The following CAMK1D variants were observed in gnomAD, a reference collection of about 807,000 sequenced individuals.
CAMK1D encodes the protein calcium/calmodulin dependent protein kinase ID.
Under a neutral mutation model 47.7 loss-of-function variants are expected in CAMK1D, and 9 were observed. The observed-to-expected ratio is 0.19, with a 90% confidence interval of 0.11 to 0.33. The LOEUF (loss-of-function observed/expected upper bound fraction) is 0.33, where lower values mean the gene tolerates loss of function less well. Ranked by LOEUF, CAMK1D falls within the 10% of genes least tolerant of loss-of-function variation. The probability of loss-of-function intolerance (pLI) is 1.00; values close to 1 mark genes in which losing one functional copy is unlikely to be tolerated. For missense variants in CAMK1D, 291 were observed against 488.7 expected (o/e 0.60, Z 3.81); for synonymous variants, 184 against 184.9 (o/e 0.99, Z 0.04).
At position 12,831,544 on chromosome 10, in the gene CAMK1D, G is replaced by A. The variant is rs1350039354; in HGVS notation, c.*2657G>A. The A allele has an allele frequency of 6.6e-6, 1 of 152,220 alleles. No individual in the cohort carries two copies. 9.4% of individuals were successfully genotyped at this position (152,220 alleles called of 1,614,324 possible). A position where few individuals can be genotyped will look rare whatever the true frequency, so the allele number is the denominator to read the frequency against. On this transcript the variant is annotated 3_prime_UTR_variant, in exon 11 of 11. Transcript: ENST00000619168. ...CATGTTATATGCACTTAGTTTGAAA[G>A]TATCCCTCACCCAAAAAGTGCAGAA...
chr10:12,689,405 C>CA (rs1832784605), intron 3 of CAMK1D, among the ~76,000 whole-genome samples: 1 of 152,210 alleles, frequency 6.6e-6, no homozygotes, highest in South Asian at 2.1e-4. Flanking sequence ...CCTCATCCCA[C>CA]ATTTAAAATG....
At chr10:12,731,094 C>T (rs1291993842) in intron 3 of CAMK1D, among the ~76,000 whole-genome samples, 3 of 152,046 alleles carry the variant, frequency 2.0e-5, no homozygotes, top group African/African-American at 7.3e-5. Flanking sequence ...AGAAAAAGTA[C>T]AGTGTATTTG....
chr10:12,565,426 G>A (rs567270339), intron 2 of CAMK1D, among the ~76,000 whole-genome samples: 1 of 152,018 alleles, frequency 6.6e-6, no homozygotes, highest in Non-Finnish European at 1.5e-5. Flanking sequence ...GCTAGTTTTT[G>A]TATTTTTAGT....
At chr10:12,414,876 T>A (rs377324362) in intron 1 of CAMK1D, among the ~76,000 whole-genome samples, 72 of 152,354 alleles carry the variant, frequency 4.7e-4, no homozygotes, top group African/African-American at 1.6e-3. Flanking sequence ...GATGGCCAAA[T>A]TCAGTTCAAA....
intron 1 of CAMK1D, among the ~76,000 whole-genome samples, chr10:12,472,668 T>C (rs1833783028): frequency 6.6e-6 from 1 of 152,040 alleles, no homozygotes; most frequent in South Asian, 2.1e-4. Flanking sequence ...ATTACAGGCA[T>C]GCGCCACCCC....
intron 1 of CAMK1D, among the ~76,000 whole-genome samples, chr10:12,448,817 A>G (rs1224234607): frequency 6.6e-6 from 1 of 152,190 alleles, no homozygotes; most frequent in Non-Finnish European, 1.5e-5. Flanking sequence ...GACTATCCGG[A>G]AATGGAGTGT....
intron 3 of CAMK1D, among the ~76,000 whole-genome samples, chr10:12,730,083 T>C (rs1834823792): frequency 6.6e-6 from 1 of 152,102 alleles, no homozygotes; most frequent in Non-Finnish European, 1.5e-5. Flanking sequence ...ATGTTGAGAA[T>C]GGACAGTAGG....
chr10:12,776,548 C>T (rs1437246969), intron 5 of CAMK1D, among the ~76,000 whole-genome samples: 3 of 152,152 alleles, frequency 2.0e-5, no homozygotes, highest in Non-Finnish European at 4.4e-5. Context: ...TTCCTGTGAG[C>T]CTCTGGTCAC....
At chr10:12,465,282 A>C (rs1833557903) in intron 1 of CAMK1D, among the ~76,000 whole-genome samples, 1 of 152,226 alleles carries the variant, frequency 6.6e-6, no homozygotes. Flanking sequence ...GCATATAATT[A>C]AAATTCTCTG....
intron 1 of CAMK1D, among the ~76,000 whole-genome samples, chr10:12,365,564 G>A (rs952861557): frequency 1.3e-5 from 2 of 151,870 alleles, no homozygotes; most frequent in South Asian, 2.1e-4. Flanking sequence ...TCAGCCTCCC[G>A]AGTAGCTGGG....
At chr10:12,368,355 A>G (rs986045354) in intron 1 of CAMK1D, among the ~76,000 whole-genome samples, 2 of 152,138 alleles carry the variant, frequency 1.3e-5, no homozygotes, top group African/African-American at 2.4e-5. Flanking sequence ...ATAGTGAGCC[A>G]TGATGGCACT....
At chr10:12,698,906 C>T (rs1358063638) in intron 3 of CAMK1D, among the ~76,000 whole-genome samples, 3 of 152,034 alleles carry the variant, frequency 2.0e-5, no homozygotes, top group African/African-American at 4.8e-5. Flanking sequence ...CTCTTGACCT[C>T]GTGATCTGCC....
chr10:12,816,612 T>C (rs2131088669), intron 8 of CAMK1D, among the ~76,000 whole-genome samples: 1 of 152,186 alleles, frequency 6.6e-6, no homozygotes, highest in East Asian at 1.9e-4. Context: ...GGCTCATGCC[T>C]GTAATCCCAG....
At chr10:12,627,002 G>T (rs77896678) in intron 2 of CAMK1D, among the ~76,000 whole-genome samples, 7,981 of 151,256 alleles carry the variant, frequency 0.053, 614 homozygotes, top group African/African-American at 0.17. Flanking sequence ...ACACTTTCTT[G>T]CTTGAACCTC....
intron 2 of CAMK1D, among the ~76,000 whole-genome samples, chr10:12,638,238 C>T (rs1024572618): frequency 6.6e-6 from 1 of 152,164 alleles, no homozygotes; most frequent in African/African-American, 2.4e-5. Context: ...CCACAGCTTC[C>T]ACTGCCTGGC....
At chr10:12,771,632 C>T (rs1032662320) in intron 5 of CAMK1D, among the ~76,000 whole-genome samples, 3 of 152,062 alleles carry the variant, frequency 2.0e-5, no homozygotes, top group Admixed American at 6.6e-5. Flanking sequence ...GGGGTGGAAA[C>T]GTGGCTGGGG....
intron 2 of CAMK1D, among the ~76,000 whole-genome samples, chr10:12,662,651 CA>C (rs56807588): frequency 0.74 from 103,751 of 140,642 alleles, 38,920 homozygotes; most frequent in Non-Finnish European, 0.83. Flanking sequence ...CACTCTGCCT[CA>C]AAAAAAAAAA....
At chr10:12,696,260 G>A (rs1276911424) in intron 3 of CAMK1D, among the ~76,000 whole-genome samples, 1 of 152,082 alleles carries the variant, frequency 6.6e-6, no homozygotes, top group East Asian at 1.9e-4. Flanking sequence ...CAATTGGCCA[G>A]GCCTGGTGGC....
intron 5 of CAMK1D, among the ~76,000 whole-genome samples, chr10:12,787,720 G>A (rs1837794241): frequency 6.6e-6 from 1 of 152,224 alleles, no homozygotes; most frequent in Non-Finnish European, 1.5e-5. Context: ...GGTCACCAGA[G>A]GCCGGGCGCG....
Sources: allele counts gnomAD v4.1 joint callset (sites outside exome capture counted in the v4.1 genomes callset), GRCh38; gene constraint gnomAD v4.1.1; transcripts MANE v1.5; gene names NCBI Gene and HGNC (gene_info 2026-07-23, HGNC 2026-07-21).